ANKFN1: variants seen among roughly 807,000 people sequenced by gnomAD.
ANKFN1 encodes ankyrin repeat and fibronectin type-III domain-containing protein 1.
Under a neutral mutation model 108.7 loss-of-function variants are expected in ANKFN1, and 74 were observed. The observed-to-expected ratio is 0.68, with a 90% confidence interval of 0.56 to 0.83. ANKFN1 has a LOEUF of 0.83. Ranked by LOEUF, ANKFN1 falls within the 40% of genes least tolerant of loss-of-function variation. ANKFN1 has a pLI of 0.00. For synonymous variants in ANKFN1, 547 were observed against 516.2 expected (o/e 1.06, Z -0.81); for missense variants, 1,505 against 1,382.3 (o/e 1.09, Z -1.41).
intron 16 of ANKFN1, 33 bp from the exon 17 acceptor site, chr17:56,480,635 A>G (rs1436375552): frequency 6.2e-7 from 1 of 1,609,368 alleles, no homozygotes; most frequent in African/African-American, 1.3e-5. Context: ...AACTTTTGTT[A>G]TATTTCTAAT....
chr17:56,357,083 C>A (rs892273591), intron 6 of ANKFN1, among the ~76,000 whole-genome samples: 1 of 152,120 alleles, frequency 6.6e-6, no homozygotes, highest in Non-Finnish European at 1.5e-5. Flanking sequence ...GGGATGATAG[C>A]CATGTTACCA....
intron 4 of ANKFN1, among the ~76,000 whole-genome samples, chr17:56,063,931 TTTG>T (rs764732849): frequency 2.0e-5 from 3 of 152,078 alleles, no homozygotes; most frequent in Non-Finnish European, 2.9e-5. Flanking sequence ...TGTGGGTGAT[TTTG>T]TTGTTGTTGA....
chr17:56,316,692 A>C (rs907456562), intron 3 of ANKFN1, among the ~76,000 whole-genome samples: 6 of 152,198 alleles, frequency 3.9e-5, no homozygotes, highest in African/African-American at 1.4e-4. Flanking sequence ...CAGGAGAGAA[A>C]AATAAATGAG....
chr17:56,511,462 T>G lies in ANKFN1; in HGVS notation c.*193T>G. On this transcript the variant is annotated 3_prime_UTR_variant, in exon 21 of 21. Transcript: ENST00000682825. The stretch of plus-strand genomic sequence containing the variant: ...GTGGAGGCCAGAGTTGCCAGTGCCA[T>G]TCCCACTTCAGCCTAGAAAGGGCAT... The G allele has an allele frequency of 3.2e-6, 2 of 618,640 alleles. No individual in the cohort carries two copies. The highest frequency in any genetic ancestry group is 2.7e-6 in the Non-Finnish European group (1 of 366,044). 38.3% of individuals were successfully genotyped at this position (618,640 alleles called of 1,614,324 possible).
intron 4 of ANKFN1, among the ~76,000 whole-genome samples, chr17:56,106,966 A>G (rs1296229358): frequency 1.3e-5 from 2 of 152,174 alleles, no homozygotes; most frequent in Admixed American, 6.5e-5. Flanking sequence ...TCACTCTCAT[A>G]CTGTCCCCAA....
At chr17:56,443,095 G>T (rs2049167447) in intron 10 of ANKFN1, among the ~76,000 whole-genome samples, 162 bp downstream of exon 10, 1 of 152,196 alleles carries the variant, frequency 6.6e-6, no homozygotes, top group Non-Finnish European at 1.5e-5. Context: ...CTGCAGAAAT[G>T]CTCCTGGGGA....
chr17:56,104,096 T>A (rs1905698338), intron 4 of ANKFN1, among the ~76,000 whole-genome samples: 1 of 152,204 alleles, frequency 6.6e-6, no homozygotes, highest in African/African-American at 2.4e-5. Context: ...TCTGTCTTCT[T>A]CTTGGCTCAT....
chr17:56,248,873 G>A (rs1317045584), intron 3 of ANKFN1, among the ~76,000 whole-genome samples: 1 of 152,208 alleles, frequency 6.6e-6, no homozygotes, highest in Non-Finnish European at 1.5e-5. Context: ...GTAGGGAAGT[G>A]AGTGACAAAA....
At chr17:56,348,822 G>C (rs1171400131) in intron 4 of ANKFN1, among the ~76,000 whole-genome samples, 1 of 152,126 alleles carries the variant, frequency 6.6e-6, no homozygotes, top group East Asian at 1.9e-4. Context: ...GATTGTGGAA[G>C]ACAGTATGGT....
chr17:56,181,772 A>G (rs1911699540), intron 1 of ANKFN1, among the ~76,000 whole-genome samples: 2 of 152,116 alleles, frequency 1.3e-5, no homozygotes, highest in Non-Finnish European at 2.9e-5. Flanking sequence ...ATACTCATTT[A>G]ATTGTGCCTT....
chr17:56,190,463 GT>G (rs759696051), intron 1 of ANKFN1, among the ~76,000 whole-genome samples: 22 of 131,732 alleles, frequency 1.7e-4, no homozygotes, highest in Admixed American at 1.3e-3. Flanking sequence ...CCTTCATTTC[GT>G]TATGTACCCA....
chr17:56,213,181 G>T (rs180716162), intron 2 of ANKFN1, among the ~76,000 whole-genome samples: 29 of 152,274 alleles, frequency 1.9e-4, no homozygotes, highest in Admixed American at 1.2e-3. Flanking sequence ...CCAGACCAGG[G>T]TTTCTAACTA....
chr17:56,132,259 C>T (rs1311980074), intron 4 of ANKFN1, among the ~76,000 whole-genome samples: 1 of 152,126 alleles, frequency 6.6e-6, no homozygotes, highest in Non-Finnish European at 1.5e-5. Context: ...TTTACTCTCC[C>T]CATTTGATAA....
intron 8 of ANKFN1, among the ~76,000 whole-genome samples, chr17:56,404,417 T>G (rs1461139800): frequency 2.0e-5 from 3 of 152,218 alleles, no homozygotes; most frequent in Non-Finnish European, 4.4e-5. Context: ...CTTCGAGCTC[T>G]GAATTTCTTT....
intron 1 of ANKFN1, among the ~76,000 whole-genome samples, chr17:56,180,741 A>G (rs545406154): frequency 1.6e-4 from 25 of 152,346 alleles, no homozygotes; most frequent in South Asian, 6.2e-4. Context: ...AGCTAAATAT[A>G]TAAAATGGAA....
intron 4 of ANKFN1, among the ~76,000 whole-genome samples, chr17:56,094,047 G>C (rs1905470142): frequency 6.6e-6 from 1 of 151,316 alleles, no homozygotes; most frequent in Non-Finnish European, 1.5e-5. Flanking sequence ...AACTCACACA[G>C]GGAGTACACC....
chr17:56,135,657 G>T (rs1182385174), intron 4 of ANKFN1, among the ~76,000 whole-genome samples: 1 of 152,138 alleles, frequency 6.6e-6, no homozygotes, highest in Non-Finnish European at 1.5e-5. Context: ...TGTTCTTCAG[G>T]CTCGGAAGTG....
At chr17:56,147,570 C>A (rs2143423233) in intron 4 of ANKFN1, among the ~76,000 whole-genome samples, 1 of 152,296 alleles carries the variant, frequency 6.6e-6, no homozygotes, top group East Asian at 1.9e-4. Context: ...CATCAGATCT[C>A]ATGAGAACTA....
At chr17:56,192,173 G>A (rs1913002186) in intron 1 of ANKFN1, among the ~76,000 whole-genome samples, 1 of 150,848 alleles carries the variant, frequency 6.6e-6, no homozygotes, top group South Asian at 2.1e-4. Flanking sequence ...TTTAATAAAT[G>A]GTGCTGGGAA....
Sources: allele counts gnomAD v4.1 joint callset (sites outside exome capture counted in the v4.1 genomes callset), GRCh38; gene constraint gnomAD v4.1.1; transcripts MANE v1.5; gene names NCBI Gene and HGNC (gene_info 2026-07-23, HGNC 2026-07-21).